The following SAMD4A variants were observed in gnomAD, a reference collection of about 807,000 sequenced individuals.
SAMD4A encodes the protein sterile alpha motif domain containing 4A, also known as protein Smaug homolog 1.
Under a neutral mutation model 81.3 loss-of-function variants are expected in SAMD4A, and 33 were observed. That is an observed-to-expected ratio of 0.41 (90% CI 0.31 to 0.54). The LOEUF is 0.54. Ranked by LOEUF, SAMD4A falls within the 20% of genes least tolerant of loss-of-function variation. SAMD4A has a pLI of 0.37. For missense variants in SAMD4A, 854 were observed against 951.1 expected (o/e 0.90, Z 1.34); for synonymous variants, 389 against 382.1 (o/e 1.02, Z -0.21).
intron 2 of SAMD4A, among the ~76,000 whole-genome samples, chr14:54,594,655 A>T (rs539417709): frequency 1.3e-5 from 2 of 152,330 alleles, no homozygotes; most frequent in South Asian, 4.1e-4. Context: ...AATTTTTATC[A>T]CTGAATCAGA....
At chr14:54,620,452 G>A (rs2034589234) in intron 2 of SAMD4A, among the ~76,000 whole-genome samples, 1 of 152,138 alleles carries the variant, frequency 6.6e-6, no homozygotes, top group Admixed American at 6.5e-5. Context: ...CAAGTGAACA[G>A]AATAGTTGTG....
In SAMD4A at chr14:54,702,151, G is replaced by A. The variant is rs200562046; in HGVS notation, c.286G>A (p.Asp96Asn). The A allele has an allele frequency of 1.0e-4, 165 of 1,614,074 alleles. No individual in the cohort carries two copies. In the East Asian group the frequency reaches 1.0e-3, roughly 10 times the overall value. ...HLPLLKPGNLDAKVEYMKLLP... is the reference protein window; with the variant it reads ...HLPLLKPGNLNAKVEYMKLLP... Reference sequence around the variant, plus strand: ...GCCTTTGCTGAAGCCAGGAAACCTCGACGCGAAAGTAGAATATATGAAACT... The same window carrying A: ...GCCTTTGCTGAAGCCAGGAAACCTCAACGCGAAAGTAGAATATATGAAACT... Residue 96 changes from aspartate to asparagine, a missense_variant, in exon 3 of 13, where the codon GAC becomes AAC. By Grantham distance (23) the Asp-to-Asn change is conservative. This residue lies in a region of SAMD4A where 387 missense variants were observed against 405.8 expected (regional missense o/e 0.95). Coordinates refer to ENST00000554335, the MANE Select transcript of SAMD4A (RefSeq NM_015589.6).
chr14:54,589,862 T>A (rs1226656321), intron 2 of SAMD4A, among the ~76,000 whole-genome samples: 4 of 152,234 alleles, frequency 2.6e-5, no homozygotes, highest in Non-Finnish European at 5.9e-5. Context: ...CCTTCAGGTC[T>A]CTGCTTATAT....
chr14:54,600,239 G>A (rs1488005384), intron 2 of SAMD4A, among the ~76,000 whole-genome samples: 1 of 152,178 alleles, frequency 6.6e-6, no homozygotes, highest in Non-Finnish European at 1.5e-5. Flanking sequence ...CTTCTCCTGA[G>A]CATGTCACTG....
At chr14:54,672,575 A>G (rs1442641242) in intron 2 of SAMD4A, among the ~76,000 whole-genome samples, 1 of 152,186 alleles carries the variant, frequency 6.6e-6, no homozygotes, top group African/African-American at 2.4e-5. Context: ...TTTGAACACT[A>G]GGTTTGATCT....
intron 11 of SAMD4A, among the ~76,000 whole-genome samples, chr14:54,783,410 G>A (rs1250268657): frequency 2.0e-5 from 3 of 152,216 alleles, no homozygotes; most frequent in African/African-American, 7.2e-5. Flanking sequence ...GGCTCCAGCA[G>A]GTGAGAGGAG....
rs191547873 is a variant in SAMD4A, at chr14:54,749,041, C to T, written c.1089+117C>T. On this transcript the variant is annotated intron_variant, in intron 5 of 12. Transcript: ENST00000554335. ...TGCCCACACAGTAGCTTGCCCTGTG[C>T]TGGAAACTGTGGGGTGCTGGCCAGC... 4.4e-6 allele frequency: 3 copies of T among 687,088 alleles called. No homozygotes were observed. The Admixed American group carries it at 7.7e-5, about 18-fold the overall frequency. The allele number at this position is 687,088 out of a possible 1,614,324, so 42.6% of individuals were successfully genotyped here. A position where few individuals can be genotyped will look rare whatever the true frequency, so the allele number is the denominator to read the frequency against.
chr14:54,643,530 G>A (rs527721940), intron 2 of SAMD4A, among the ~76,000 whole-genome samples: 70 of 152,306 alleles, frequency 4.6e-4, no homozygotes, highest in African/African-American at 1.7e-3. Flanking sequence ...CTGTCAATAG[G>A]TGGTTGTTAT....
intron 4 of SAMD4A, 22 bp from the exon 5 acceptor site, chr14:54,748,793 T>G (rs1291042558): frequency 2.7e-6 from 4 of 1,486,538 alleles, no homozygotes; most frequent in Middle Eastern, 1.7e-4. Context: ...TCTCCCCATC[T>G]CTTGCACATC....
chr14:54,578,525 A>G (rs1353571444), intron 2 of SAMD4A, among the ~76,000 whole-genome samples: 3 of 152,122 alleles, frequency 2.0e-5, no homozygotes, highest in African/African-American at 7.2e-5. Flanking sequence ...AGCTTGGCCA[A>G]CGTGGCGAAA....
intron 7 of SAMD4A, among the ~76,000 whole-genome samples, chr14:54,763,144 C>T (rs1367503717): frequency 2.6e-5 from 4 of 151,734 alleles, no homozygotes; most frequent in African/African-American, 7.3e-5. Flanking sequence ...CATGAGCCAC[C>T]GCGCCCAGCC....
intron 7 of SAMD4A, among the ~76,000 whole-genome samples, chr14:54,761,532 G>C (rs1255110295): frequency 6.6e-6 from 1 of 152,114 alleles, no homozygotes; most frequent in Non-Finnish European, 1.5e-5. Context: ...CCTGGCTTCT[G>C]AGCCTTTGTG....
At chr14:54,612,915 A>G (rs1318478135) in intron 2 of SAMD4A, among the ~76,000 whole-genome samples, 2 of 152,068 alleles carry the variant, frequency 1.3e-5, no homozygotes, top group East Asian at 3.9e-4. Context: ...TCAAGAGATC[A>G]AGACCATCCT....
chr14:54,672,226 T>G (rs1402613678), intron 2 of SAMD4A, among the ~76,000 whole-genome samples: 1 of 149,106 alleles, frequency 6.7e-6, no homozygotes. Flanking sequence ...CATCCAGCTG[T>G]TTTTTTTGTG....
chr14:54,784,446 A>G, intron 11 of SAMD4A, 91 bp from the exon 12 acceptor site: 1 of 1,613,618 alleles, frequency 6.2e-7, no homozygotes, highest in South Asian at 1.1e-5. Flanking sequence ...CCTCCCAGGG[A>G]GGTACACCAG....
At chr14:54,602,866 A>T (rs2034097145) in intron 2 of SAMD4A, among the ~76,000 whole-genome samples, 1 of 151,960 alleles carries the variant, frequency 6.6e-6, no homozygotes, top group Non-Finnish European at 1.5e-5. Flanking sequence ...AAATGTCTGG[A>T]TCCTTGTTAC....
At chr14:54,666,751 T>C (rs2035766843) in intron 2 of SAMD4A, among the ~76,000 whole-genome samples, 1 of 152,026 alleles carries the variant, frequency 6.6e-6, no homozygotes, top group South Asian at 2.1e-4. Flanking sequence ...GGATGGGAAT[T>C]TTTGTGCAAT....
intron 2 of SAMD4A, among the ~76,000 whole-genome samples, chr14:54,676,663 G>A (rs1361889845): frequency 1.3e-5 from 2 of 152,320 alleles, no homozygotes; most frequent in African/African-American, 2.4e-5. Context: ...GATTACAGGC[G>A]TGAACCACTG....
At chr14:54,651,336 T>C (rs1187195451) in intron 2 of SAMD4A, among the ~76,000 whole-genome samples, 1 of 152,182 alleles carries the variant, frequency 6.6e-6, no homozygotes, top group East Asian at 1.9e-4. Flanking sequence ...AAAGACGAGG[T>C]GATGTGGGCA....
Sources: gnomAD v4.1 joint callset for allele counts (sites outside exome capture counted in the v4.1 genomes callset) on GRCh38, gnomAD v4.1.1 for gene constraint, gnomAD v4.1.1 regional missense constraint, MANE v1.5 for transcripts, NCBI Gene and HGNC (gene_info 2026-07-23, HGNC 2026-07-21) for gene names.